The following UBE2D1 variants were observed in gnomAD, a reference collection of about 807,000 sequenced individuals.
UBE2D1 encodes the protein ubiquitin conjugating enzyme E2 D1.
UBE2D1 carries 9 observed loss-of-function variants against 24.6 expected under a neutral mutation model. The observed-to-expected ratio is 0.37, with a 90% CI of 0.22 to 0.64. The LOEUF is 0.64. Among genes scored for constraint, UBE2D1 ranks in the 30% least tolerant of loss-of-function variants. UBE2D1 has a pLI of 0.64. For synonymous variants in UBE2D1, 57 were observed against 57.6 expected (o/e 0.99, Z 0.04); for missense variants, 87 against 177.1 (o/e 0.49, Z 2.89).
intron 1 of UBE2D1, among the ~76,000 whole-genome samples, chr10:58,345,884 G>A (rs551455294): frequency 4.6e-5 from 7 of 152,076 alleles, no homozygotes; most frequent in Admixed American, 2.0e-4. Context: ...TTTGGGAATC[G>A]TTCAGAAACA....
Position 58,335,107 on chromosome 10 carries a change from C to A in UBE2D1, c.-95C>A, listed in dbSNP as rs1211320585. ...CCGGGGACCCACCGCGCGGAGCCAG[C>A]CTAGCTGCCAGCGAGCCCAACCCGC... On this transcript the variant is annotated 5_prime_UTR_variant, in exon 1 of 7. Coordinates refer to ENST00000373910, the MANE Select transcript of UBE2D1 (RefSeq NM_003338.5). 1.4e-6 allele frequency: 2 copies of A among 1,386,682 alleles called. No individual in the cohort carries two copies. Among genetic ancestry groups the A allele is most frequent in the South Asian group, 1.2e-5 (1 of 80,410 alleles). 85.9% of individuals were successfully genotyped at this position (1,386,682 alleles called of 1,614,324 possible).
At chr10:58,352,417 G>T (rs1007705480) in intron 1 of UBE2D1, among the ~76,000 whole-genome samples, 1 of 151,992 alleles carries the variant, frequency 6.6e-6, no homozygotes, top group Admixed American at 6.6e-5. Flanking sequence ...TGGCAAGATG[G>T]CAGCAGCCCT....
chr10:58,343,293 C>A (rs573903044), intron 1 of UBE2D1, among the ~76,000 whole-genome samples: 1 of 151,932 alleles, frequency 6.6e-6, no homozygotes, highest in Non-Finnish European at 1.5e-5. Flanking sequence ...AGTTTCCAAA[C>A]AGTTTAGTGA....
chr10:58,360,456 AAAG>A (rs1284336969), intron 1 of UBE2D1, among the ~76,000 whole-genome samples: 1 of 152,072 alleles, frequency 6.6e-6, no homozygotes, highest in African/African-American at 2.4e-5. Flanking sequence ...AAAAAAGAGA[AAAG>A]AAGAAAAATG....
intron 1 of UBE2D1, among the ~76,000 whole-genome samples, chr10:58,342,031 C>G (rs1225954076): frequency 1.3e-5 from 2 of 152,056 alleles, no homozygotes; most frequent in Non-Finnish European, 2.9e-5. Flanking sequence ...TATTTCTGGC[C>G]CATCTTGGTC....
intron 1 of UBE2D1, among the ~76,000 whole-genome samples, chr10:58,339,786 T>C (rs1839944010): frequency 6.6e-6 from 1 of 152,110 alleles, no homozygotes; most frequent in Non-Finnish European, 1.5e-5. Flanking sequence ...CTTAGAATCT[T>C]TTATTTAATA....
At chr10:58,356,281 T>C (rs1840130512) in intron 1 of UBE2D1, among the ~76,000 whole-genome samples, 1 of 152,086 alleles carries the variant, frequency 6.6e-6, no homozygotes, top group South Asian at 2.1e-4. Context: ...TGTATCCTTT[T>C]ATTTATTTAT....
At chr10:58,349,600 C>T (rs921231324) in intron 1 of UBE2D1, among the ~76,000 whole-genome samples, 6 of 151,976 alleles carry the variant, frequency 3.9e-5, no homozygotes, top group Non-Finnish European at 7.4e-5. Flanking sequence ...TCTATAGATC[C>T]TTGCCCTTTT....
intron 1 of UBE2D1, among the ~76,000 whole-genome samples, chr10:58,350,633 T>G (rs1840064140): frequency 6.6e-6 from 1 of 152,218 alleles, no homozygotes; most frequent in Non-Finnish European, 1.5e-5. Flanking sequence ...TCATTTTTTC[T>G]TTTATTGTTA....
At chr10:58,335,659 G>A (rs974305712) in intron 1 of UBE2D1, among the ~76,000 whole-genome samples, 1 of 152,210 alleles carries the variant, frequency 6.6e-6, no homozygotes, top group Non-Finnish European at 1.5e-5. Flanking sequence ...CCCCGGGAGG[G>A]CAAGGAAGGT....
intron 1 of UBE2D1, among the ~76,000 whole-genome samples, chr10:58,347,635 C>A (rs1034551324): frequency 2.7e-5 from 4 of 145,840 alleles, no homozygotes; most frequent in Admixed American, 1.3e-4. Context: ...TTCTAAATTA[C>A]ACTCTTTTTT....
intron 5 of UBE2D1, 108 bp downstream of exon 5, chr10:58,364,984 T>C: frequency 1.2e-6 from 1 of 867,142 alleles, no homozygotes; most frequent in Non-Finnish European, 1.7e-6. Context: ...CTGTGCTTTC[T>C]CCTGTTTTGA....
chr10:58,346,502 A>C (rs1840019018), intron 1 of UBE2D1, among the ~76,000 whole-genome samples: 1 of 152,202 alleles, frequency 6.6e-6, no homozygotes, highest in African/African-American at 2.4e-5. Flanking sequence ...CAAGAAAGTA[A>C]AAGTAAAGTA....
chr10:58,346,628 G>T (rs1840020282), intron 1 of UBE2D1, among the ~76,000 whole-genome samples: 1 of 152,170 alleles, frequency 6.6e-6, no homozygotes, highest in Non-Finnish European at 1.5e-5. Context: ...AGTCATGGCT[G>T]GTGCAGAGAG....
At chr10:58,367,187 G>A (rs887942738) in intron 5 of UBE2D1, among the ~76,000 whole-genome samples, 1 of 152,070 alleles carries the variant, frequency 6.6e-6, no homozygotes, top group Non-Finnish European at 1.5e-5. Flanking sequence ...AAGTGGAAAT[G>A]GGAGGTTGGT....
intron 3 of UBE2D1, among the ~76,000 whole-genome samples, chr10:58,361,818 C>T (rs1313648606): frequency 2.1e-5 from 3 of 143,892 alleles, no homozygotes; most frequent in Non-Finnish European, 4.5e-5. Flanking sequence ...TTTTTTAAGT[C>T]ACAGAGAGTT....
chr10:58,350,000 A>G (rs567253683), intron 1 of UBE2D1, among the ~76,000 whole-genome samples: 23 of 152,300 alleles, frequency 1.5e-4, no homozygotes, highest in Non-Finnish European at 2.6e-4. Flanking sequence ...TTCTTACTGC[A>G]TGAATATGCT....
At chr10:58,336,382 T>C (rs1392030724) in intron 1 of UBE2D1, among the ~76,000 whole-genome samples, 7 of 152,172 alleles carry the variant, frequency 4.6e-5, no homozygotes, top group Non-Finnish European at 1.0e-4. Context: ...ATTATAGCAA[T>C]AGTATATGTT....
At chr10:58,336,671 A>G (rs1450637532) in intron 1 of UBE2D1, among the ~76,000 whole-genome samples, 1 of 152,226 alleles carries the variant, frequency 6.6e-6, no homozygotes, top group Non-Finnish European at 1.5e-5. Flanking sequence ...AAGCCTTAGC[A>G]TCTTTACCAT....
Sources: gnomAD v4.1 joint callset for allele counts (sites outside exome capture counted in the v4.1 genomes callset) on GRCh38, gnomAD v4.1.1 for gene constraint, MANE v1.5 for transcripts, NCBI Gene and HGNC (gene_info 2026-07-23, HGNC 2026-07-21) for gene names.